Variants in WDR47 observed in about 807,000 individuals in gnomAD.
WDR47 encodes WD repeat domain 47, also known as WD repeat-containing protein 47.
A neutral mutation model predicts 97.2 loss-of-function variants in WDR47; 32 were observed. The observed-to-expected ratio is 0.33, with a 90% confidence interval of 0.25 to 0.44. The LOEUF is 0.44. Ranked by LOEUF, WDR47 falls within the 20% of genes least tolerant of loss-of-function variation. The pLI is 1.00. For missense variants in WDR47, 782 were observed against 1,102.3 expected (o/e 0.71, Z 4.11); for synonymous variants, 375 against 373.5 (o/e 1.00, Z -0.05).
At chr1:108,978,333 G>T (rs577682212) in intron 13 of WDR47, among the ~76,000 whole-genome samples, 1 of 152,094 alleles carries the variant, frequency 6.6e-6, no homozygotes, top group African/African-American at 2.4e-5. Context: ...AAAAAAATTA[G>T]CTGGGCATGG....
intron 7 of WDR47, among the ~76,000 whole-genome samples, chr1:109,000,879 A>T (rs1317781189): frequency 1.3e-5 from 2 of 152,212 alleles, no homozygotes; most frequent in African/African-American, 4.8e-5. Context: ...ACAATAGCCA[A>T]CATTTATAGG....
chr1:109,011,823 C>T, intron 4 of WDR47, 105 bp from the exon 5 acceptor site: 3 of 1,078,126 alleles, frequency 2.8e-6, no homozygotes, highest in Non-Finnish European at 3.9e-6. Flanking sequence ...ACAGAATACT[C>T]ATATAATTTG....
At chr1:108,999,379 C>T (rs1331686937) in intron 7 of WDR47, among the ~76,000 whole-genome samples, 3 of 151,846 alleles carry the variant, frequency 2.0e-5, no homozygotes, top group Admixed American at 2.0e-4. Flanking sequence ...ACAATAAATA[C>T]ACTCTAAACA....
chr1:109,017,388 G>C, intron 3 of WDR47, 130 bp downstream of exon 3: 1 of 744,408 alleles, frequency 1.3e-6, no homozygotes, highest in Non-Finnish European at 2.3e-6. Context: ...GGGTGACAGA[G>C]AGAGATCAAT....
intron 1 of WDR47, among the ~76,000 whole-genome samples, chr1:109,031,863 G>A (rs1365793136): frequency 8.3e-6 from 1 of 120,602 alleles, no homozygotes; most frequent in African/African-American, 3.0e-5. Context: ...GCAGTGGCAC[G>A]ATCTTAGCTC....
chr1:108,981,332 A>G (rs1354897467), intron 13 of WDR47, among the ~76,000 whole-genome samples: 1 of 152,188 alleles, frequency 6.6e-6, no homozygotes, highest in Non-Finnish European at 1.5e-5. Flanking sequence ...TTTATAGAAT[A>G]TTTCTGGAAG....
In WDR47 at chr1:108,986,402, T is replaced by A. The variant is rs898598654; in HGVS notation, c.1925+121A>T. 8.1e-6 allele frequency: 7 copies of A among 860,070 alleles called. No homozygotes were observed. The African/African-American group carries it at 1.0e-4, about 13-fold the overall frequency. The allele number at this position is 860,070 out of a possible 1,614,324, so 53.3% of individuals were successfully genotyped here. Reference sequence around the variant, plus strand: ...AGTTATTTTATAACAGAAAATAAAGTTTAATCGAAGGAAAGAAAGTAAGAT... The same window carrying A: ...AGTTATTTTATAACAGAAAATAAAGATTAATCGAAGGAAAGAAAGTAAGAT... On this transcript the variant is annotated intron_variant, in intron 10 of 14. Transcript: ENST00000369962.
intron 3 of WDR47, among the ~76,000 whole-genome samples, chr1:109,015,528 A>G (rs1417101184): frequency 1.3e-5 from 2 of 151,696 alleles, no homozygotes; most frequent in African/African-American, 2.4e-5. Flanking sequence ...GGATTTCGCC[A>G]TGTTGGCCAG....
intron 4 of WDR47, 159 bp downstream of exon 4, chr1:109,013,682 C>T (rs113958169): frequency 3.4e-5 from 23 of 684,110 alleles, no homozygotes; most frequent in African/African-American, 1.4e-4. Context: ...AGAAGCGCTA[C>T]AGAATGAAAA....
chr1:109,027,270 G>A (rs1431326682), intron 1 of WDR47, among the ~76,000 whole-genome samples: 2 of 151,872 alleles, frequency 1.3e-5, no homozygotes, highest in Non-Finnish European at 2.9e-5. Flanking sequence ...TTGCCAGGCT[G>A]GTCTCAAACT....
At chr1:108,973,987 A>G (rs1302907539) in intron 14 of WDR47, among the ~76,000 whole-genome samples, 1 of 152,022 alleles carries the variant, frequency 6.6e-6, no homozygotes, top group Admixed American at 6.6e-5. Context: ...TGAGCTCAGA[A>G]GTTTGAGACC....
At chr1:109,028,192 T>C (rs1662343990) in intron 1 of WDR47, among the ~76,000 whole-genome samples, 1 of 152,046 alleles carries the variant, frequency 6.6e-6, no homozygotes, top group Non-Finnish European at 1.5e-5. Context: ...GTTTTGTTTG[T>C]TTGTCTGTTT....
At position 108,987,537 on chromosome 1, in the gene WDR47, G is replaced by T. The variant is rs145367058; in HGVS notation, c.1768-857C>A. The stretch of plus-strand genomic sequence containing the variant: ...GGCTGGAGTGCAGTGGCGTGATCTT[G>T]GCTCACTGCAACCTCTGCCTCCCAG... On this transcript the variant is annotated intron_variant, in intron 9 of 14. Coordinates refer to ENST00000369962, the MANE Select transcript of WDR47 (RefSeq NM_001142551.2). 6.3e-3 allele frequency among the ~76,000 whole-genome samples: 951 copies of T among 152,052 alleles called. 2 individuals are homozygous for T. The highest frequency in any genetic ancestry group is 0.021 in the African/African-American group (878 of 41,476).
At chr1:108,975,372 C>T (rs1310209659) in intron 13 of WDR47, among the ~76,000 whole-genome samples, 1 of 151,176 alleles carries the variant, frequency 6.6e-6, no homozygotes, top group Non-Finnish European at 1.5e-5. Context: ...GCCTGTAATC[C>T]AGCACTTTGG....
Position 109,011,642 on chromosome 1 carries a change from C to T in WDR47, c.404G>A (p.Ser135Asn), listed in dbSNP as rs1170297250. 2.5e-6 allele frequency: 4 copies of T among 1,614,140 alleles called. No homozygotes were observed. The highest frequency in any genetic ancestry group is 3.4e-6 in the Non-Finnish European group (4 of 1,180,028). Residue 135 changes from serine (S) to asparagine (N), a missense_variant, in exon 5 of 15, where the codon AGT becomes AAT. Around this residue, in one of 3 missense-constraint regions of WDR47, gnomAD observed 428 missense variants for 584.3 expected, o/e 0.73. Coordinates refer to ENST00000369962, the MANE Select transcript of WDR47 (RefSeq NM_001142551.2). ...CAAAGTCAAAAGCAAACAGAGCTTACTATAGTCATCTTTAGAAGGACAGTA... is the reference window on the plus strand; with the variant it reads ...CAAAGTCAAAAGCAAACAGAGCTTATTATAGTCATCTTTAGAAGGACAGTA... ...EEYCPSKDDY[S>N]KLCLLLTLPR... is the part of the protein sequence containing the mutation.
intron 3 of WDR47, among the ~76,000 whole-genome samples, chr1:109,015,751 G>A (rs1002589727): frequency 6.6e-5 from 10 of 151,624 alleles, no homozygotes; most frequent in African/African-American, 1.9e-4. Context: ...ACTTTGGGAG[G>A]CCAAGGTGGG....
chr1:108,992,113 A>G (rs1427041574), intron 8 of WDR47, among the ~76,000 whole-genome samples: 1 of 152,210 alleles, frequency 6.6e-6, no homozygotes, highest in Non-Finnish European at 1.5e-5. Flanking sequence ...ACAAAAATGT[A>G]ATTTAAATCC....
chr1:109,041,147 C>T (rs1663330478), intron 1 of WDR47, among the ~76,000 whole-genome samples: 1 of 139,848 alleles, frequency 7.2e-6, no homozygotes, highest in African/African-American at 2.6e-5. Flanking sequence ...GCCCCCTTTG[C>T]CCATGGCCTC....
At chr1:108,992,259 G>A in intron 8 of WDR47, 1 of 910,348 alleles carries the variant, frequency 1.1e-6, no homozygotes, top group East Asian at 2.4e-5. Context: ...TAAATCCGAA[G>A]CAGCCTGAGG....
Sources: allele counts gnomAD v4.1 joint callset (sites outside exome capture counted in the v4.1 genomes callset), GRCh38; gene constraint gnomAD v4.1.1; regional missense constraint gnomAD v4.1.1; transcripts MANE v1.5; gene names NCBI Gene and HGNC (gene_info 2026-07-23, HGNC 2026-07-21).